Variants in XRCC4 observed in about 807,000 individuals in gnomAD.
The protein encoded by XRCC4 is X-ray repair cross complementing 4.
Under a neutral mutation model 39.1 loss-of-function variants are expected in XRCC4, and 28 were observed. The ratio of observed to expected loss-of-function variants is 0.72; its 90% CI spans 0.53 to 0.98. The LOEUF (loss-of-function observed/expected upper bound fraction) is 0.98, where lower values mean the gene tolerates loss of function less well. Among genes scored for constraint, XRCC4 ranks in the 50% least tolerant of loss-of-function variants. The probability of loss-of-function intolerance (pLI) is 0.00; values close to 1 mark genes in which losing one functional copy is unlikely to be tolerated. For synonymous variants in XRCC4, 123 were observed against 126.4 expected, an observed-to-expected ratio of 0.97 and a Z score of 0.18; for missense variants, 350 against 376.4, an observed-to-expected ratio of 0.93 and a Z score of 0.58.
chr5:83,248,260 T>C (rs1016908412), intron 6 of XRCC4, among the ~76,000 whole-genome samples: 1 of 152,164 alleles, frequency 6.6e-6, no homozygotes, highest in African/African-American at 2.4e-5. Flanking sequence ...AAAAATACTT[T>C]AGGGAGTTTT....
chr5:83,365,769 T>C, the XRCC4 span, among the ~76,000 whole-genome samples: 3 of 152,304 alleles, frequency 2.0e-5, no homozygotes, highest in Non-Finnish European at 2.9e-5. Flanking sequence ...AGAGTAAAAC[T>C]GAGCAAATGG....
chr5:83,286,303 G>A (rs528415820), intron 7 of XRCC4, among the ~76,000 whole-genome samples: 113 of 152,164 alleles, frequency 7.4e-4, no homozygotes, highest in African/African-American at 2.7e-3. Context: ...TAGGCCCAAA[G>A]CATCCAACAA....
At chr5:83,145,330 TG>T (rs1748401216) in intron 3 of XRCC4, among the ~76,000 whole-genome samples, 1 of 152,242 alleles carries the variant, frequency 6.6e-6, no homozygotes, top group African/African-American at 2.4e-5. Flanking sequence ...TTTCTCTACT[TG>T]TTGACAACTT....
intron 7 of XRCC4, among the ~76,000 whole-genome samples, chr5:83,325,959 C>T (rs1756245709): frequency 6.6e-6 from 1 of 152,076 alleles, no homozygotes; most frequent in African/African-American, 2.4e-5. Context: ...TTTGCATCCT[C>T]ACCAGCATCT....
At position 83,118,044 on chromosome 5, in the gene XRCC4, C is replaced by CCACACA. The variant is rs34524513; in HGVS notation, c.315+6870_315+6875dup. Among the ~76,000 whole-genome samples, 944 of 118,492 alleles carry CCACACA rather than the reference C, an allele frequency of 8.0e-3. 13 individuals carry two copies. The highest frequency in any genetic ancestry group is 0.03 in the African/African-American group (857 of 28,620). The allele number at this position is 118,492 out of a possible 152,430, so 77.7% of individuals were successfully genotyped here. A position where few individuals can be genotyped will look rare whatever the true frequency, so the allele number is the denominator to read the frequency against. On this transcript the variant is annotated intron_variant, in intron 3 of 7. Transcript: ENST00000396027. ...TATATATGTGTATGTATATACATCT[C>CCACACA]CACACACACACACACACACACACAC...
At chr5:83,299,500 C>G (rs893939514) in intron 7 of XRCC4, among the ~76,000 whole-genome samples, 1 of 152,128 alleles carries the variant, frequency 6.6e-6, no homozygotes, top group African/African-American at 2.4e-5. Context: ...CTCATTCTCT[C>G]TGTCCCTTCC....
chr5:83,349,335 G>A (rs1481392575), intron 7 of XRCC4, among the ~76,000 whole-genome samples: 5 of 151,914 alleles, frequency 3.3e-5, no homozygotes, highest in Non-Finnish European at 7.4e-5. Context: ...CAACATTTTT[G>A]TGTTCTTTTT....
intron 6 of XRCC4, among the ~76,000 whole-genome samples, chr5:83,211,427 A>G (rs1460061156): frequency 2.6e-5 from 4 of 152,230 alleles, no homozygotes; most frequent in Non-Finnish European, 5.9e-5. Flanking sequence ...CAATGGATCT[A>G]CTAACCTGGT....
intron 7 of XRCC4, among the ~76,000 whole-genome samples, chr5:83,261,630 A>G (rs985058260): frequency 4.0e-5 from 6 of 148,398 alleles, no homozygotes; most frequent in Non-Finnish European, 7.4e-5. Context: ...TTTTTTGTCT[A>G]CAAGACTTTG....
the XRCC4 span, among the ~76,000 whole-genome samples, chr5:83,366,787 C>CT: frequency 0.021 from 3,150 of 152,244 alleles, 112 homozygotes; most frequent in African/African-American, 0.071. Context: ...AGCAGGAAAG[C>CT]TTTCCCTTAG....
intron 7 of XRCC4, among the ~76,000 whole-genome samples, chr5:83,284,080 G>GAAAAAAAAAAA (rs1754652334): frequency 3.0e-5 from 2 of 67,012 alleles, no homozygotes; most frequent in African/African-American, 1.3e-4. Context: ...AAAAAAAAAC[G>GAAAAAAAAAAA]AATAATTCAT....
At chr5:83,316,320 T>C (rs1755881271) in intron 7 of XRCC4, among the ~76,000 whole-genome samples, 1 of 152,110 alleles carries the variant, frequency 6.6e-6, no homozygotes, top group South Asian at 2.1e-4. Flanking sequence ...CCAGCTAACA[T>C]CATAATGACA....
chr5:83,109,042 A>G (rs1363757435), intron 2 of XRCC4, among the ~76,000 whole-genome samples: 5 of 147,428 alleles, frequency 3.4e-5, no homozygotes, highest in Admixed American at 3.3e-4. Context: ...TGAGAATCAT[A>G]TTTTATTATC....
intron 3 of XRCC4, among the ~76,000 whole-genome samples, chr5:83,131,361 G>T (rs1326080911): frequency 6.6e-6 from 1 of 152,078 alleles, no homozygotes; most frequent in Admixed American, 6.6e-5. Flanking sequence ...CTGTTGATTT[G>T]GGGTGGAGAG....
intron 7 of XRCC4, among the ~76,000 whole-genome samples, chr5:83,270,859 C>A (rs554533896): frequency 7.3e-5 from 11 of 151,166 alleles, no homozygotes; most frequent in Non-Finnish European, 7.4e-5. Context: ...GAGCTCAGCT[C>A]ACTGCAATCT....
At chr5:83,205,201 G>T (rs1195157070) in intron 6 of XRCC4, among the ~76,000 whole-genome samples, 1 of 152,098 alleles carries the variant, frequency 6.6e-6, no homozygotes, top group African/African-American at 2.4e-5. Context: ...CATAAGCAAT[G>T]AGGAAGAAAC....
At chr5:83,137,870 A>G (rs1478672530) in intron 3 of XRCC4, among the ~76,000 whole-genome samples, 2 of 152,166 alleles carry the variant, frequency 1.3e-5, no homozygotes, top group East Asian at 1.9e-4. Context: ...GGAAGTGGTC[A>G]TGTTTAGCTG....
At chr5:83,227,768 TCTA>T (rs1752345579) in intron 6 of XRCC4, among the ~76,000 whole-genome samples, 1 of 152,102 alleles carries the variant, frequency 6.6e-6, no homozygotes, top group African/African-American at 2.4e-5. Context: ...TCTATTCTGT[TCTA>T]CTCAGGCTTT....
At chr5:83,287,751 GT>G (rs1754785551) in intron 7 of XRCC4, among the ~76,000 whole-genome samples, 1 of 151,546 alleles carries the variant, frequency 6.6e-6, no homozygotes, top group Non-Finnish European at 1.5e-5. Flanking sequence ...CAGTTTTTTG[GT>G]TTGTTGATTT....
Sources: gnomAD v4.1 joint callset for allele counts (sites outside exome capture counted in the v4.1 genomes callset) on GRCh38, gnomAD v4.1.1 for gene constraint, MANE v1.5 for transcripts, NCBI Gene and HGNC (gene_info 2026-07-23, HGNC 2026-07-21) for gene names.